CNKSR2: variants seen among roughly 807,000 people sequenced by gnomAD.
CNKSR2 encodes the protein connector enhancer of kinase suppressor of Ras 2.
A neutral mutation model predicts 84.4 loss-of-function variants in CNKSR2; 14 were observed. That is an observed-to-expected ratio of 0.17 (90% CI 0.11 to 0.26). The LOEUF (loss-of-function observed/expected upper bound fraction) is 0.26, where lower values mean the gene tolerates loss of function less well. CNKSR2 is among the 10% of genes least tolerant of loss of function. The probability of loss-of-function intolerance (pLI) is 1.00; values close to 1 mark genes in which losing one functional copy is unlikely to be tolerated. For missense variants in CNKSR2, 485 were observed against 771.2 expected (o/e 0.63, Z 4.40); for synonymous variants, 275 against 277.9 (o/e 0.99, Z 0.10).
intron 8 of CNKSR2, chrX:21,503,606 A>T (rs750166504): frequency 5.9e-6 from 1 of 168,280 alleles, no homozygotes; most frequent in East Asian, 1.1e-4. Flanking sequence ...CTCAAAAATT[A>T]TATAACTATC....
At chrX:21,432,104 A>AT (rs2090641572) in intron 2 of CNKSR2, among the ~76,000 whole-genome samples, 2 of 111,226 alleles carry the variant, frequency 1.8e-5, no homozygotes, top group South Asian at 3.8e-4. Flanking sequence ...TAGAGTACGT[A>AT]TTTTTTTATC....
intron 20 of CNKSR2, chrX:21,641,668 C>T (rs2092691916): frequency 1.8e-6 from 2 of 1,129,909 alleles, no homozygotes; most frequent in East Asian, 6.7e-5. Flanking sequence ...CGGTACGGCG[C>T]AGACTCAACA....
chrX:21,572,327 A>G lies in CNKSR2; in HGVS notation c.1608+8875A>G, dbSNP rs752258112. Among the ~76,000 whole-genome samples the G allele has an allele frequency of 4.4e-5, 5 of 112,380 alleles. No homozygotes were observed. The South Asian group carries it at 1.8e-3, about 42-fold the overall frequency. On this transcript the variant is annotated intron_variant, in intron 13 of 21. Transcript: ENST00000379510. Reference sequence around the variant, plus strand: ...CAAACTTCCATTTTCACTTGTGACTAGATATTGCTTACTAGTAACCTACTA... The same window carrying G: ...CAAACTTCCATTTTCACTTGTGACTGGATATTGCTTACTAGTAACCTACTA...
intron 13 of CNKSR2, among the ~76,000 whole-genome samples, chrX:21,578,553 T>G (rs1352677375): frequency 9.1e-6 from 1 of 109,324 alleles, no homozygotes; most frequent in Admixed American, 9.8e-5. Context: ...TTACCTGTTT[T>G]TTTTTTTTTT....
At chrX:21,595,955 G>A (rs972007079) in intron 17 of CNKSR2, among the ~76,000 whole-genome samples, 33 of 110,769 alleles carry the variant, frequency 3.0e-4, no homozygotes, top group African/African-American at 1.1e-3. Flanking sequence ...TTAATACTTT[G>A]GCTTTTATGA....
chrX:21,401,035 A>T (rs752528328), intron 1 of CNKSR2, among the ~76,000 whole-genome samples: 6 of 111,603 alleles, frequency 5.4e-5, no homozygotes, highest in African/African-American at 1.9e-4. Flanking sequence ...TTTGAAGTCC[A>T]GGAATTTAAA....
intron 5 of CNKSR2, among the ~76,000 whole-genome samples, chrX:21,474,665 A>C (rs1047812824): frequency 1.8e-5 from 2 of 111,496 alleles, no homozygotes; most frequent in African/African-American, 6.5e-5. Flanking sequence ...TGGAGAAAAA[A>C]GTGGGCTGAG....
At chrX:21,574,335 C>G (rs1431184825) in intron 13 of CNKSR2, among the ~76,000 whole-genome samples, 1 of 111,743 alleles carries the variant, frequency 8.9e-6, no homozygotes, top group African/African-American at 3.3e-5. Context: ...AGCAGCACCC[C>G]ACTCTACTGG....
chrX:21,462,304 G>A (rs998064466), intron 4 of CNKSR2, among the ~76,000 whole-genome samples: 10 of 111,854 alleles, frequency 8.9e-5, no homozygotes, highest in Non-Finnish European at 9.4e-5. Context: ...TATTGAAAAT[G>A]GGATTATTTT....
chrX:21,440,005 A>G (rs955170962), intron 3 of CNKSR2, among the ~76,000 whole-genome samples: 3 of 110,586 alleles, frequency 2.7e-5, no homozygotes, highest in Admixed American at 9.7e-5. Context: ...AAAACCTTCA[A>G]CAAAATATTA....
At chrX:21,512,065 G>A (rs780700796) in intron 8 of CNKSR2, among the ~76,000 whole-genome samples, 10 of 111,845 alleles carry the variant, frequency 8.9e-5, no homozygotes, top group African/African-American at 3.2e-4. Flanking sequence ...TACAGACTGT[G>A]CTGCATTCAC....
chrX:21,576,311 C>A (rs1192725731), intron 13 of CNKSR2, among the ~76,000 whole-genome samples: 2 of 111,833 alleles, frequency 1.8e-5, no homozygotes, highest in African/African-American at 6.5e-5. Flanking sequence ...AAAGAACATA[C>A]TTCTAAATAA....
In CNKSR2 at chrX:21,628,728, G is replaced by A. The variant is rs373957868; in HGVS notation, c.2692+19111G>A. On this transcript the variant is annotated intron_variant, in intron 20 of 21. Coordinates refer to ENST00000379510, the MANE Select transcript of CNKSR2 (RefSeq NM_014927.5). ...GACTGCACAACAGCAGAGAGACCCTGGGCCCAGCCCACGAAACCACTTTTT... is the reference window on the plus strand; with the variant it reads ...GACTGCACAACAGCAGAGAGACCCTAGGCCCAGCCCACGAAACCACTTTTT... Among the ~76,000 whole-genome samples, 6 of 111,255 alleles carry A rather than the reference G, an allele frequency of 5.4e-5. 1 individual carries two copies. The highest frequency in any genetic ancestry group is 2.9e-4 in the East Asian group (1 of 3,494).
intron 6 of CNKSR2, chrX:21,492,482 T>C (rs1269098770): frequency 9.0e-6 from 1 of 111,592 alleles, no homozygotes; most frequent in Non-Finnish European, 1.9e-5. Flanking sequence ...CTGTATCACA[T>C]ATAGACAATA....
intron 12 of CNKSR2, among the ~76,000 whole-genome samples, chrX:21,562,836 G>A (rs938300614): frequency 1.8e-5 from 2 of 111,042 alleles, no homozygotes; most frequent in Non-Finnish European, 3.8e-5. Flanking sequence ...GCCGGTGTTT[G>A]TTATTGGGCT....
At chrX:21,381,835 C>T (rs988916227) in intron 1 of CNKSR2, among the ~76,000 whole-genome samples, 3 of 111,877 alleles carry the variant, frequency 2.7e-5, no homozygotes, top group Non-Finnish European at 5.6e-5. Context: ...TTCTCATCCA[C>T]CTTAGGAAAG....
At chrX:21,387,513 C>A (rs2089985989) in intron 1 of CNKSR2, among the ~76,000 whole-genome samples, 1 of 111,709 alleles carries the variant, frequency 9.0e-6, no homozygotes, top group African/African-American at 3.3e-5. Context: ...AGAAATACAG[C>A]AGAATAGCTG....
At chrX:21,418,402 G>A (rs2090451460) in intron 1 of CNKSR2, among the ~76,000 whole-genome samples, 1 of 111,519 alleles carries the variant, frequency 9.0e-6, no homozygotes, top group South Asian at 3.7e-4. Context: ...TTTACCTTTA[G>A]ATGACTAGTT....
chrX:21,606,931 A>G, intron 19 of CNKSR2, 52 bp downstream of exon 19: 1 of 647,903 alleles, frequency 1.5e-6, no homozygotes, highest in Non-Finnish European at 2.3e-6. Context: ...TACCTGAAAC[A>G]TCCTTTTGTA....
Sources: allele counts gnomAD v4.1 joint callset (sites outside exome capture counted in the v4.1 genomes callset), GRCh38; gene constraint gnomAD v4.1.1; transcripts MANE v1.5; gene names NCBI Gene and HGNC (gene_info 2026-07-23, HGNC 2026-07-21).